SRP68: variants seen among roughly 807,000 people sequenced by gnomAD.
The protein encoded by SRP68 is signal recognition particle subunit SRP68.
A neutral mutation model predicts 82.2 loss-of-function variants in SRP68; 15 were observed. That is an observed-to-expected ratio of 0.18 (90% CI 0.12 to 0.28). The LOEUF is 0.28. Ranked by LOEUF, SRP68 falls within the 10% of genes least tolerant of loss-of-function variation. SRP68 has a pLI of 1.00. For synonymous variants in SRP68, 261 were observed against 292.6 expected, an observed-to-expected ratio of 0.89 and a Z score of 1.10; for missense variants, 595 against 780.5, an observed-to-expected ratio of 0.76 and a Z score of 2.83.
At chr17:76,053,679 T>A (rs753698221) in intron 8 of SRP68, 7 of 983,026 alleles carry the variant, frequency 7.1e-6, no homozygotes, top group Non-Finnish European at 8.5e-6. Context: ...GGGACTTAAG[T>A]CAGTTGTGTT....
intron 4 of SRP68, among the ~76,000 whole-genome samples, chr17:76,061,820 A>C (rs1464134144): frequency 6.6e-6 from 1 of 151,994 alleles, no homozygotes; most frequent in Non-Finnish European, 1.5e-5. Context: ...AATAAGAATA[A>C]ATTTTAAAAA....
chr17:76,059,399 G>A (rs2665996), intron 7 of SRP68, among the ~76,000 whole-genome samples: 82,462 of 151,796 alleles, frequency 0.54, 25,137 homozygotes, highest in African/African-American at 0.83. Context: ...AAAATTAGCC[G>A]GGCGTGGTGG....
rs1318041532 is a variant in SRP68 at position 76,072,277 on chromosome 17, T to C, written c.184+31A>G. Reference sequence around the variant, plus strand: ...AGCCCTCCAGTTCGACACGTAATCATTGCGAGTTAGGCCCGATTACTCTAG... The same window carrying C: ...AGCCCTCCAGTTCGACACGTAATCACTGCGAGTTAGGCCCGATTACTCTAG... On this transcript the variant is annotated intron_variant, in intron 1 of 15. Coordinates refer to ENST00000307877, the MANE Select transcript of SRP68 (RefSeq NM_014230.4). The surrounding 1 kb of genome is among the most constrained non-coding windows in gnomAD (Gnocchi z 4.5). 6.2e-7 allele frequency: 1 copy of C among 1,605,196 alleles called. No individual in the cohort carries two copies. The highest frequency in any genetic ancestry group is 1.1e-5 in the South Asian group (1 of 89,920).
At chr17:76,039,989 A>C in intron 15 of SRP68, 56 bp from the exon 16 acceptor site, 1 of 1,558,182 alleles carries the variant, frequency 6.4e-7, no homozygotes, top group Non-Finnish European at 8.8e-7. Context: ...ACCCTTGGTG[A>C]ACATTCCTGA....
At chr17:76,053,657 G>T (rs760365587) in intron 8 of SRP68, 6 of 985,330 alleles carry the variant, frequency 6.1e-6, no homozygotes, top group Non-Finnish European at 7.2e-6. Flanking sequence ...GGAAAAAGTC[G>T]ATTTGAAGGG....
At chr17:76,041,045 C>A in intron 13 of SRP68, 67 bp from the exon 14 acceptor site, 3 of 1,266,056 alleles carry the variant, frequency 2.4e-6, no homozygotes, top group East Asian at 2.4e-5. Flanking sequence ...CAAGCTAACC[C>A]GAGTTAACCG....
chr17:76,053,718 T>C, intron 8 of SRP68: 1 of 868,272 alleles, frequency 1.2e-6, no homozygotes, highest in Non-Finnish European at 1.4e-6. Flanking sequence ...CTGCAATGAC[T>C]CAGACCACTA....
At position 76,039,462 on chromosome 17, in the gene SRP68, T is replaced by C. The variant is rs7409; in HGVS notation, c.*244A>G. Reference sequence around the variant, plus strand: ...CAGGGCACCAGACAGCAGCGGCCCCTTTCCCAGGAGGTACAGGAGACAGGA... The same window carrying C: ...CAGGGCACCAGACAGCAGCGGCCCCCTTCCCAGGAGGTACAGGAGACAGGA... On this transcript the variant is annotated 3_prime_UTR_variant, in exon 16 of 16. Coordinates refer to ENST00000307877, the MANE Select transcript of SRP68 (RefSeq NM_014230.4). 0.39 allele frequency: 251,714 copies of C among 647,262 alleles called. 50,455 individuals are homozygous for C. The highest frequency in any genetic ancestry group is 0.54 in the Admixed American group (25,265 of 46,722). The allele number at this position is 647,262 out of a possible 1,614,324, so 40.1% of individuals were successfully genotyped here.
chr17:76,048,016 C>T (rs1555627951), intron 9 of SRP68, 46 bp from the exon 10 acceptor site: 1 of 1,362,014 alleles, frequency 7.3e-7, no homozygotes, highest in South Asian at 1.4e-5. Context: ...TGATGCTCTC[C>T]ATCGCTCTGA....
intron 3 of SRP68, 79 bp from the exon 4 acceptor site, chr17:76,064,250 T>C: frequency 4.6e-6 from 6 of 1,305,712 alleles, no homozygotes; most frequent in Non-Finnish European, 6.4e-6. Flanking sequence ...ATCTTCGGCT[T>C]CTCGGCTTTT....
chr17:76,072,149 C>A lies in SRP68; in HGVS notation c.184+159G>T. 1.6e-6 allele frequency: 2 copies of A among 1,230,548 alleles called. No homozygotes were observed. The highest frequency in any genetic ancestry group is 1.1e-6 in the Non-Finnish European group (1 of 934,126). 76.2% of individuals were successfully genotyped at this position (1,230,548 alleles called of 1,614,324 possible). ...GAGGAAAGACTAGTCGAGAGACAGA[C>A]CCCCCCCGGAATTCTGAGCACCAAA... On this transcript the variant is annotated intron_variant, in intron 1 of 15. Coordinates refer to ENST00000307877, the MANE Select transcript of SRP68 (RefSeq NM_014230.4). The surrounding 1 kb of genome is among the most constrained non-coding windows in gnomAD (Gnocchi z 4.5).
intron 8 of SRP68, among the ~76,000 whole-genome samples, chr17:76,053,260 T>G (rs2066688106): frequency 1.8e-5 from 2 of 109,766 alleles, no homozygotes; most frequent in Admixed American, 1.0e-4. Context: ...GGTGAGACCC[T>G]GTCTCAAAAA....
Position 76,072,218 on chromosome 17 carries a change from G to A in SRP68, c.184+90C>T. 6.3e-7 allele frequency: 1 copy of A among 1,591,972 alleles called. No individual in the cohort carries two copies. The highest frequency in any genetic ancestry group is 1.4e-5 in the African/African-American group (1 of 72,720). On this transcript the variant is annotated intron_variant, in intron 1 of 15. Transcript: ENST00000307877. The surrounding 1 kb of genome is among the most constrained non-coding windows in gnomAD (Gnocchi z 4.5). ...CTGCAACCCTCGGCCTCTCCTGCCA[G>A]GACTTGTCGGGACCCGCCGCCTCTC...
chr17:76,040,885 G>C lies in SRP68; in HGVS notation c.1600+18C>G. The C allele has an allele frequency of 6.2e-7, 1 of 1,613,000 alleles. No homozygotes were observed. The highest frequency in any genetic ancestry group is 1.1e-5 in the South Asian group (1 of 91,050). ...GGAAGGGAAGTCTGGGGATACAAAG[G>C]CCAGGCAGGGGGCTCACCAAGGATG... On this transcript the variant is annotated intron_variant, in intron 14 of 15. Transcript: ENST00000307877.
chr17:76,052,458 G>C (rs1005560002), intron 8 of SRP68, among the ~76,000 whole-genome samples: 4 of 152,098 alleles, frequency 2.6e-5, no homozygotes, highest in African/African-American at 4.8e-5. Flanking sequence ...GGGGGTGGGA[G>C]GCAAGGGGAG....
chr17:76,053,265 CAAAAAAAAAAAA>C (rs34472995), intron 8 of SRP68, among the ~76,000 whole-genome samples: 1 of 82,566 alleles, frequency 1.2e-5, no homozygotes. Flanking sequence ...GACCCTGTCT[CAAAAAAAAAAAA>C]AAAAAAAAGA....
intron 1 of SRP68, 110 bp from the exon 2 acceptor site, chr17:76,070,554 AAT>A: frequency 1.0e-6 from 1 of 964,614 alleles, no homozygotes; most frequent in Non-Finnish European, 1.6e-6. Flanking sequence ...ACATTTGTGA[AAT>A]ATAGCCAGGT....
At chr17:76,057,717 C>T (rs1404490183) in intron 7 of SRP68, among the ~76,000 whole-genome samples, 174 bp from the exon 8 acceptor site, 1 of 152,204 alleles carries the variant, frequency 6.6e-6, no homozygotes, top group Non-Finnish European at 1.5e-5. Context: ...CTCTGTCACC[C>T]AGGCTGGAGT....
intron 11 of SRP68, 88 bp downstream of exon 11, chr17:76,045,950 C>T: frequency 1.3e-6 from 2 of 1,539,736 alleles, no homozygotes; most frequent in Admixed American, 1.7e-5. Flanking sequence ...TGTCACAGCC[C>T]TTCCGTGATA....
Sources: gnomAD v4.1 joint callset for allele counts (sites outside exome capture counted in the v4.1 genomes callset) on GRCh38, gnomAD v4.1.1 for gene constraint, Gnocchi (gnomAD v3.1) non-coding constraint, MANE v1.5 for transcripts, NCBI Gene and HGNC (gene_info 2026-07-23, HGNC 2026-07-21) for gene names.